The following SAG variants were observed in gnomAD, a reference collection of about 807,000 sequenced individuals.
SAG encodes S-antigen visual arrestin.
Under a neutral mutation model 55.0 loss-of-function variants are expected in SAG, and 45 were observed. The observed-to-expected ratio is 0.82, with a 90% CI of 0.64 to 1.05. SAG has a LOEUF of 1.05. Among genes scored for constraint, SAG ranks in the 50% least tolerant of loss-of-function variants. The pLI is 0.00. For missense variants in SAG, 455 were observed against 512.1 expected (o/e 0.89, Z 1.08); for synonymous variants, 189 against 197.4 (o/e 0.96, Z 0.36).
intron 12 of SAG, 43 bp downstream of exon 12, chr2:233,338,796 CT>C: frequency 6.6e-7 from 1 of 1,516,756 alleles, no homozygotes. Context: ...CTGTCCTGGT[CT>C]TAGATGGTCT....
chr2:233,330,056 A>G (rs894601278), intron 9 of SAG, among the ~76,000 whole-genome samples: 1 of 152,184 alleles, frequency 6.6e-6, no homozygotes, highest in African/African-American at 2.4e-5. Context: ...TCAAATGGCC[A>G]TCATGTCATG....
intron 9 of SAG, 51 bp from the exon 10 acceptor site, chr2:233,331,576 GCAGGGAAAGTGCA>G (rs754864493): frequency 1.9e-5 from 20 of 1,030,112 alleles, no homozygotes; most frequent in Non-Finnish European, 2.0e-5. Context: ...CTGGGAGGCC[GCAGGGAAAGTGCA>G]CGTGTTGGGG....
intron 11 of SAG, among the ~76,000 whole-genome samples, chr2:233,335,520 A>T (rs1312341237): frequency 6.6e-6 from 1 of 152,230 alleles, no homozygotes; most frequent in Non-Finnish European, 1.5e-5. Context: ...TTTTAGAAGT[A>T]TCACTAGCTA....
At chr2:233,325,361 A>G (rs1226686114) in intron 6 of SAG, among the ~76,000 whole-genome samples, 1 of 151,836 alleles carries the variant, frequency 6.6e-6, no homozygotes, top group Non-Finnish European at 1.5e-5. Flanking sequence ...ATCTAAAAAA[A>G]AAAAAAAATA....
chr2:233,308,075 G>C (rs1001093422), intron 1 of SAG, 53 bp downstream of exon 1: 4 of 152,462 alleles, frequency 2.6e-5, no homozygotes, highest in African/African-American at 9.6e-5. Flanking sequence ...GCAGGTGTGG[G>C]GAAGAGCAAG....
intron 7 of SAG, 56 bp downstream of exon 7, chr2:233,327,253 G>A: frequency 7.1e-7 from 1 of 1,402,882 alleles, no homozygotes; most frequent in South Asian, 1.2e-5. Flanking sequence ...GGAGAGAAGA[G>A]ACGACCTCCA....
intron 10 of SAG, 137 bp downstream of exon 10, chr2:233,331,849 C>T (rs573374394): frequency 6.0e-5 from 42 of 700,712 alleles, no homozygotes; most frequent in Middle Eastern, 2.8e-4. Context: ...TTTCTCCCTT[C>T]GAGGGCTGCA....
rs13410746 is a variant in SAG, at chr2:233,334,811, C to T, written c.807-151C>T. 4.5e-3 allele frequency: 3,604 copies of T among 802,698 alleles called. 91 individuals carry two copies. The African/African-American group carries it at 0.055, about 12-fold the overall frequency. The allele number at this position is 802,698 out of a possible 1,614,324, so 49.7% of individuals were successfully genotyped here. ...ATTTCACAAGCACTGTTCTGCTTCT[C>T]GTAAGTCAAGTTCCCAGGCTCTTGA... On this transcript the variant is annotated intron_variant, in intron 10 of 15. Transcript: ENST00000409110.
intron 1 of SAG, among the ~76,000 whole-genome samples, chr2:233,308,448 C>T (rs1250612249): frequency 6.7e-6 from 1 of 150,368 alleles, no homozygotes; most frequent in Non-Finnish European, 1.5e-5. Context: ...GCCTGGGCAA[C>T]AGAACGAGCT....
intron 4 of SAG, 108 bp from the exon 5 acceptor site, chr2:233,320,522 C>T (rs567083395): frequency 1.3e-6 from 1 of 789,560 alleles, no homozygotes; most frequent in African/African-American, 1.8e-5. Flanking sequence ...AGCCCCTATC[C>T]CCTCCAGATG....
chr2:233,312,212 C>T (rs1301357265), intron 2 of SAG, among the ~76,000 whole-genome samples: 1 of 152,190 alleles, frequency 6.6e-6, no homozygotes, highest in Non-Finnish European at 1.5e-5. Flanking sequence ...TCTAGTTCTT[C>T]TTCCCTTGCA....
chr2:233,343,807 A>ATT, intron 14 of SAG: 1 of 991,094 alleles, frequency 1.0e-6, no homozygotes, highest in Non-Finnish European at 1.2e-6. Context: ...AGCAGGGTTT[A>ATT]TTTTTCTCAT....
chr2:233,321,572 A>G (rs1700381158), intron 5 of SAG, among the ~76,000 whole-genome samples: 1 of 152,188 alleles, frequency 6.6e-6, no homozygotes, highest in Non-Finnish European at 1.5e-5. Flanking sequence ...TCATACAGAC[A>G]GAGACAGAAT....
At chr2:233,321,992 C>T (rs1462561813) in intron 5 of SAG, among the ~76,000 whole-genome samples, 1 of 20,230 alleles carries the variant, frequency 4.9e-5, no homozygotes, top group Non-Finnish European at 1.1e-4. Context: ...AAAATACACA[C>T]ACACACACAC....
intron 6 of SAG, among the ~76,000 whole-genome samples, chr2:233,325,510 C>T (rs551016297): frequency 2.6e-5 from 4 of 151,920 alleles, no homozygotes; most frequent in African/African-American, 9.7e-5. Flanking sequence ...CAGAACATCT[C>T]GAAGCTAGTG....
intron 14 of SAG, chr2:233,343,548 T>C (rs994757657): frequency 2.1e-6 from 1 of 469,782 alleles, no homozygotes. Context: ...TGAAAACATA[T>C]AAAAACCACT....
chr2:233,342,319 G>A lies in SAG; in HGVS notation c.1095G>A (p.Glu365=). 1 of 1,606,982 alleles carries A rather than the reference G, an allele frequency of 6.2e-7. No homozygotes were observed. Among genetic ancestry groups the A allele is most frequent in the South Asian group, 1.1e-5 (1 of 89,722 alleles). The change falls in exon 14 of 16, where the codon GAG becomes GAA. Residue 365 remains glutamate, a synonymous_variant. Coordinates refer to ENST00000409110, the MANE Select transcript of SAG (RefSeq NM_000541.5). ...TCCGCCTCATGCACCCTCAGCCTGA[G>A]GACCCAGGTCAGTTATGTCCTTTTT... ...VPFRLMHPQP[E]DPAKESYQDA... is the part of the protein sequence containing the mutation.
intron 6 of SAG, among the ~76,000 whole-genome samples, chr2:233,326,411 C>G (rs1300921642): frequency 4.6e-5 from 7 of 151,878 alleles, no homozygotes; most frequent in Non-Finnish European, 1.0e-4. Context: ...CTAGTGAAAC[C>G]CCAACTCTAC....
intron 3 of SAG, 114 bp from the exon 4 acceptor site, chr2:233,318,637 C>G: frequency 1.1e-6 from 1 of 921,270 alleles, no homozygotes; most frequent in Non-Finnish European, 1.7e-6. Flanking sequence ...TTCTTTCTTT[C>G]TTATAATGAA....
Sources: gnomAD v4.1 joint callset for allele counts (sites outside exome capture counted in the v4.1 genomes callset) on GRCh38, gnomAD v4.1.1 for gene constraint, MANE v1.5 for transcripts, NCBI Gene and HGNC (gene_info 2026-07-23, HGNC 2026-07-21) for gene names.